SP100: variants seen among roughly 807,000 people sequenced by gnomAD.
The protein encoded by SP100 is SP100 nuclear body protein.
Under a neutral mutation model 130.0 loss-of-function variants are expected in SP100, and 84 were observed. The observed-to-expected ratio is 0.65, with a 90% CI of 0.54 to 0.77. The LOEUF (loss-of-function observed/expected upper bound fraction) is 0.77, where lower values mean the gene tolerates loss of function less well. SP100 is among the 30% of genes least tolerant of loss of function. The probability of loss-of-function intolerance (pLI) is 0.00; values close to 1 mark genes in which losing one functional copy is unlikely to be tolerated. For missense variants in SP100, 978 were observed against 1,052.2 expected (o/e 0.93, Z 0.97); for synonymous variants, 331 against 351.7 (o/e 0.94, Z 0.66).
At chr2:230,455,122 T>C (rs1249949287) in intron 8 of SP100, among the ~76,000 whole-genome samples, 2 of 152,204 alleles carry the variant, frequency 1.3e-5, no homozygotes, top group African/African-American at 4.8e-5. Flanking sequence ...TCACCCAGAC[T>C]GGAGTGCACT....
At chr2:230,494,564 G>A in intron 18 of SP100, 104 bp downstream of exon 18, 1 of 815,194 alleles carries the variant, frequency 1.2e-6, no homozygotes, top group Non-Finnish European at 2.1e-6. Context: ...ATGGGCCACG[G>A]TAGCTTCAGA....
chr2:230,495,379 G>A (rs2066612266), intron 18 of SP100, among the ~76,000 whole-genome samples: 1 of 152,164 alleles, frequency 6.6e-6, no homozygotes, highest in Non-Finnish European at 1.5e-5. Flanking sequence ...CTGGAGTACA[G>A]TGCTACGATC....
At chr2:230,423,813 G>C (rs536867995) in intron 2 of SP100, among the ~76,000 whole-genome samples, 2 of 152,154 alleles carry the variant, frequency 1.3e-5, no homozygotes, top group African/African-American at 4.8e-5. Context: ...TGGAACGAGT[G>C]GGGGAAGTCG....
intron 4 of SP100, among the ~76,000 whole-genome samples, chr2:230,445,642 A>G (rs1036249271): frequency 3.9e-5 from 6 of 152,224 alleles, no homozygotes; most frequent in Non-Finnish European, 7.3e-5. Context: ...TTCAAGTCAG[A>G]AAAGGAATAA....
At chr2:230,487,642 T>G (rs889962905) in intron 17 of SP100, among the ~76,000 whole-genome samples, 1 of 152,246 alleles carries the variant, frequency 6.6e-6, no homozygotes, top group Non-Finnish European at 1.5e-5. Context: ...TGCTTAGGAT[T>G]GTCTTGACTG....
chr2:230,519,894 G>C (rs1014839923), intron 24 of SP100, among the ~76,000 whole-genome samples: 3 of 151,730 alleles, frequency 2.0e-5, no homozygotes, highest in Non-Finnish European at 2.9e-5. Context: ...ACTTATCTAA[G>C]TACTTGCAAG....
At position 230,437,547 on chromosome 2, in the gene SP100, TG is replaced by T. The variant is rs760738898; in HGVS notation, c.108-5389del. On this transcript the variant is annotated intron_variant, in intron 2 of 28. Coordinates refer to ENST00000340126, the MANE Select transcript of SP100 (RefSeq NM_001080391.2). ...AAATATGTGTTCTCTGTTTTTTCTT[TG>T]TTTTTTTTGTTTTGTTTTGTTTTGT... Among the ~76,000 whole-genome samples the T allele has an allele frequency of 4.6e-5, 7 of 152,210 alleles. No individual in the cohort carries two copies. In the South Asian group the frequency reaches 1.2e-3, roughly 27 times the overall value.
rs574694224 is a variant in SP100 at position 230,514,160 on chromosome 2, A to C, written c.2094+2994A>C. 4.4e-3 allele frequency among the ~76,000 whole-genome samples: 675 copies of C among 152,074 alleles called. 2 individuals are homozygous for C. The highest frequency in any genetic ancestry group is 0.011 in the South Asian group (52 of 4,788). On this transcript the variant is annotated intron_variant, in intron 24 of 28. Coordinates refer to ENST00000340126, the MANE Select transcript of SP100 (RefSeq NM_001080391.2). ...GCAAACAACTTGAAAACACAATAGA[A>C]TAAAGAAATTAGTCCTAAGAGTAAC...
At position 230,417,678 on chromosome 2, in the gene SP100, G is replaced by A. The variant is rs1231302364; in HGVS notation, c.107+13G>A. 1.2e-6 allele frequency: 2 copies of A among 1,610,214 alleles called. No homozygotes were observed. Among genetic ancestry groups the A allele is most frequent in the Non-Finnish European group, 1.7e-6 (2 of 1,178,812 alleles). ...ACGATTTGCAAAGGTGATGAATGAA[G>A]AGTTATGTCTTGTTTTAATTTGTAT... is the stretch of plus-strand genomic sequence containing the variant. On this transcript the variant is annotated intron_variant, in intron 2 of 28. Transcript: ENST00000340126.
intron 17 of SP100, among the ~76,000 whole-genome samples, chr2:230,488,308 T>C (rs1377696340): frequency 1.3e-5 from 2 of 152,216 alleles, no homozygotes; most frequent in Non-Finnish European, 2.9e-5. Context: ...TTCAGTATGA[T>C]ATTGGCTGTG....
At chr2:230,478,017 C>T (rs1446085738) in intron 17 of SP100, among the ~76,000 whole-genome samples, 1 of 149,760 alleles carries the variant, frequency 6.7e-6, no homozygotes, top group Non-Finnish European at 1.5e-5. Flanking sequence ...TTATTCATGT[C>T]TTATGTAATG....
intron 2 of SP100, among the ~76,000 whole-genome samples, chr2:230,433,887 C>T: frequency 6.8e-6 from 1 of 147,478 alleles, no homozygotes; most frequent in Middle Eastern, 3.4e-3. Context: ...TTTAATAACC[C>T]CATAACTTAT....
chr2:230,473,384 G>T lies in SP100; in HGVS notation c.1490G>T (p.Gly497Val), dbSNP rs1559507982. 6.2e-7 allele frequency: 1 copy of T among 1,614,044 alleles called. No individual in the cohort carries two copies. Among genetic ancestry groups the T allele is most frequent in the East Asian group, 2.2e-5 (1 of 44,878 alleles). The change falls in exon 16 of 29, where the codon GGT (glycine) becomes GTT (valine). Residue 497 changes from glycine to valine, a missense_variant. By Grantham distance (109) the Gly-to-Val change is moderately radical (BLOSUM62 -3). Coordinates refer to ENST00000340126, the MANE Select transcript of SP100 (RefSeq NM_001080391.2). Reference protein sequence around the residue: ...KCSCVMCFPKGVPRSQEARTE... With the variant: ...KCSCVMCFPKVVPRSQEARTE... ...TCCTGTGTCATGTGTTTTCCAAAAG[G>T]TGTGCCAAGAAGCCAAGAAGCAAGG...
At chr2:230,459,700 C>A (rs1290175847) in intron 8 of SP100, among the ~76,000 whole-genome samples, 1 of 152,158 alleles carries the variant, frequency 6.6e-6, no homozygotes, top group Non-Finnish European at 1.5e-5. Flanking sequence ...CTAACTTGTC[C>A]ATTTCTCTTC....
At chr2:230,441,252 G>A (rs953533681) in intron 2 of SP100, among the ~76,000 whole-genome samples, 10 of 152,096 alleles carry the variant, frequency 6.6e-5, no homozygotes, top group Non-Finnish European at 1.3e-4. Flanking sequence ...AAATTAAAAC[G>A]AAAATGACAT....
chr2:230,530,019 G>A (rs201229965), intron 24 of SP100, among the ~76,000 whole-genome samples: 4 of 151,394 alleles, frequency 2.6e-5, no homozygotes, highest in East Asian at 2.0e-4. Context: ...GTAATTTATA[G>A]ATTCAATGCT....
chr2:230,448,672 A>G (rs993946603), intron 5 of SP100, among the ~76,000 whole-genome samples: 9 of 152,204 alleles, frequency 5.9e-5, no homozygotes, highest in African/African-American at 1.9e-4. Flanking sequence ...GGAAAAGCCA[A>G]TGAGAAAGCA....
At chr2:230,505,537 A>G (rs1195392257) in intron 21 of SP100, among the ~76,000 whole-genome samples, 3 of 152,214 alleles carry the variant, frequency 2.0e-5, no homozygotes, top group Non-Finnish European at 2.9e-5. Context: ...AAATCAGAAC[A>G]ATAATATAAC....
chr2:230,466,969 C>T (rs2064991818), intron 12 of SP100, 151 bp from the exon 13 acceptor site: 3 of 573,800 alleles, frequency 5.2e-6, no homozygotes, highest in Non-Finnish European at 9.3e-6. Context: ...AATGAAAAGG[C>T]AGATCATGGA....
Sources: allele counts gnomAD v4.1 joint callset (sites outside exome capture counted in the v4.1 genomes callset), GRCh38; gene constraint gnomAD v4.1.1; transcripts MANE v1.5; gene names NCBI Gene and HGNC (gene_info 2026-07-23, HGNC 2026-07-21).